Variants in SLCO6A1 observed in about 807,000 individuals in gnomAD.
The protein encoded by SLCO6A1 is cancer/testis antigen 48.
In SLCO6A1, 65 loss-of-function variants were observed where a neutral mutation model predicts 72.7. The ratio of observed to expected loss-of-function variants is 0.89; its 90% CI spans 0.73 to 1.10. SLCO6A1 has a LOEUF of 1.10. Among genes scored for constraint, SLCO6A1 ranks in the 50% least tolerant of loss-of-function variants. SLCO6A1 has a pLI of 0.00. For missense variants in SLCO6A1, 874 were observed against 872.6 expected, an observed-to-expected ratio of 1.00 and a Z score of -0.02; for synonymous variants, 314 against 298.2, an observed-to-expected ratio of 1.05 and a Z score of -0.55.
intron 10 of SLCO6A1, among the ~76,000 whole-genome samples, chr5:102,393,882 T>C (rs1256261843): frequency 6.6e-6 from 1 of 152,154 alleles, no homozygotes; most frequent in Non-Finnish European, 1.5e-5. Flanking sequence ...CATGATTCTT[T>C]TCTGTTTATA....
At chr5:102,417,829 T>C (rs530667376) in intron 8 of SLCO6A1, among the ~76,000 whole-genome samples, 2 of 152,098 alleles carry the variant, frequency 1.3e-5, no homozygotes, top group East Asian at 3.9e-4. Context: ...CTGTCTCTAC[T>C]AAAAATACAA....
At chr5:102,432,137 T>C (rs1749254211) in intron 7 of SLCO6A1, among the ~76,000 whole-genome samples, 1 of 152,342 alleles carries the variant, frequency 6.6e-6, no homozygotes, top group East Asian at 1.9e-4. Flanking sequence ...TGTCATTGTA[T>C]GTGAGACACA....
intron 3 of SLCO6A1, among the ~76,000 whole-genome samples, chr5:102,476,586 C>G (rs1751911754): frequency 6.6e-6 from 1 of 152,046 alleles, no homozygotes; most frequent in Non-Finnish European, 1.5e-5. Context: ...ATAACCCAGC[C>G]AAGCAAACAC....
intron 7 of SLCO6A1, among the ~76,000 whole-genome samples, chr5:102,435,315 T>C (rs1345329223): frequency 6.6e-6 from 1 of 152,208 alleles, no homozygotes; most frequent in Non-Finnish European, 1.5e-5. Context: ...AGCCTCAATA[T>C]ACTGATGCTG....
At chr5:102,410,805 T>C (rs1382274588) in intron 9 of SLCO6A1, among the ~76,000 whole-genome samples, 1 of 152,126 alleles carries the variant, frequency 6.6e-6, no homozygotes, top group African/African-American at 2.4e-5. Context: ...TCACATGTGT[T>C]ATTGCCCCAT....
chr5:102,390,315 A>T (rs1746684905), intron 11 of SLCO6A1, among the ~76,000 whole-genome samples: 1 of 152,058 alleles, frequency 6.6e-6, no homozygotes, highest in Non-Finnish European at 1.5e-5. Flanking sequence ...ATATTATCTA[A>T]TTTTTCCCAG....
chr5:102,453,380 AT>A (rs1463204398), intron 6 of SLCO6A1, among the ~76,000 whole-genome samples: 1 of 151,928 alleles, frequency 6.6e-6, no homozygotes, highest in Non-Finnish European at 1.5e-5. Flanking sequence ...AAAAGCAAAC[AT>A]TTTAAAAATT....
chr5:102,426,090 C>A (rs1434697997), intron 7 of SLCO6A1, among the ~76,000 whole-genome samples: 2 of 152,050 alleles, frequency 1.3e-5, no homozygotes, highest in African/African-American at 4.8e-5. Flanking sequence ...AACTGGACCC[C>A]TTCCTTACAG....
chr5:102,376,117 A>G (rs1256920603), intron 12 of SLCO6A1, among the ~76,000 whole-genome samples: 2 of 152,220 alleles, frequency 1.3e-5, no homozygotes, highest in South Asian at 2.1e-4. Flanking sequence ...CTCGCCAGAA[A>G]CAATGGAGAC....
At chr5:102,436,979 C>A (rs1016299816) in intron 7 of SLCO6A1, among the ~76,000 whole-genome samples, 3 of 152,076 alleles carry the variant, frequency 2.0e-5, no homozygotes, top group Admixed American at 6.6e-5. Context: ...ATATCACCAC[C>A]AGCAGATCAC....
chr5:102,373,157 G>C (rs1398764644), intron 13 of SLCO6A1, among the ~76,000 whole-genome samples, 180 bp downstream of exon 13: 1 of 151,508 alleles, frequency 6.6e-6, no homozygotes, highest in Non-Finnish European at 1.5e-5. Flanking sequence ...TATTAAATGT[G>C]TATTTTATAT....
intron 1 of SLCO6A1, among the ~76,000 whole-genome samples, chr5:102,496,256 G>C (rs991278281): frequency 8.5e-5 from 13 of 152,152 alleles, no homozygotes; most frequent in Non-Finnish European, 1.9e-4. Context: ...TGAAGAATCT[G>C]GTTGACTCAC....
At chr5:102,464,189 C>A (rs1751197310) in intron 4 of SLCO6A1, among the ~76,000 whole-genome samples, 1 of 151,500 alleles carries the variant, frequency 6.6e-6, no homozygotes. Context: ...CAAAAACTAT[C>A]GAAATAAAAA....
Position 102,419,904 on chromosome 5 carries a change from G to A in SLCO6A1, c.1394C>T (p.Ser465Leu), listed in dbSNP as rs769744887. The A allele has an allele frequency of 3.7e-6, 6 of 1,608,542 alleles. No homozygotes were observed. The highest frequency in any genetic ancestry group is 5.1e-6 in the Non-Finnish European group (6 of 1,178,348). The change falls in exon 8 of 14, where the codon TCA (serine) becomes TTA (leucine). Residue 465 changes from serine to leucine, a missense_variant. Transcript: ENST00000506729. ...AATAATAAACACAAGCAGTATAAGT[G>A]ATATCACAGATGTAACCATTATAAA... ...MRFIMVTSVI[S>L]LILLVFIIFV...
chr5:102,393,023 T>C (rs547416616), intron 10 of SLCO6A1, among the ~76,000 whole-genome samples: 1 of 152,106 alleles, frequency 6.6e-6, no homozygotes, highest in Non-Finnish European at 1.5e-5. Flanking sequence ...TTTTTCTCAT[T>C]CACCACACCT....
chr5:102,438,709 T>C lies in SLCO6A1; in HGVS notation c.1184A>G (p.Glu395Gly), dbSNP rs1365760484. ...LICLALSKATEYLVIIGASEF... is the reference protein window; with the variant it reads ...LICLALSKATGYLVIIGASEF... ...AGAAGCTCCAATAATAACTAAATAT[T>C]CTGTAGCTTTTGACAGAGCTAGGCA... Residue 395 changes from glutamate (E) to glycine (G), a missense_variant, in exon 7 of 14, where the codon GAA (glutamate) becomes GGA (glycine). Glu to Gly is a moderately conservative substitution (Grantham distance 98). Coordinates refer to ENST00000506729, the MANE Select transcript of SLCO6A1 (RefSeq NM_173488.5). 1 of 1,593,860 alleles carries C rather than the reference T, an allele frequency of 6.3e-7. No homozygotes were observed. The highest frequency in any genetic ancestry group is 1.3e-5 in the African/African-American group (1 of 74,222).
chr5:102,413,692 G>A (rs1019220457), intron 8 of SLCO6A1, among the ~76,000 whole-genome samples: 7 of 152,100 alleles, frequency 4.6e-5, no homozygotes, highest in Admixed American at 4.6e-4. Context: ...GAAACTGTCA[G>A]TTTTTCAGAA....
At chr5:102,475,499 A>G (rs556622303) in intron 4 of SLCO6A1, among the ~76,000 whole-genome samples, 198 bp downstream of exon 4, 1 of 152,244 alleles carries the variant, frequency 6.6e-6, no homozygotes, top group South Asian at 2.1e-4. Context: ...GTGCTGTACT[A>G]TGCACTTAAA....
chr5:102,482,641 A>G (rs1379668186), intron 1 of SLCO6A1, among the ~76,000 whole-genome samples: 3 of 152,224 alleles, frequency 2.0e-5, no homozygotes, highest in Non-Finnish European at 2.9e-5. Context: ...GATATGTAGT[A>G]AAATCAGTGA....
Sources: gnomAD v4.1 joint callset for allele counts (sites outside exome capture counted in the v4.1 genomes callset) on GRCh38, gnomAD v4.1.1 for gene constraint, MANE v1.5 for transcripts, NCBI Gene and HGNC (gene_info 2026-07-23, HGNC 2026-07-21) for gene names.